The following TEX11 variants were observed in gnomAD, a reference collection of about 807,000 sequenced individuals.
The protein encoded by TEX11 is testis-expressed protein 11.
Under a neutral mutation model 84.4 loss-of-function variants are expected in TEX11, and 7 were observed. The observed-to-expected ratio is 0.08, with a 90% CI of 0.05 to 0.16. The LOEUF (loss-of-function observed/expected upper bound fraction) is 0.16. Ranked by LOEUF, TEX11 falls within the 10% of genes least tolerant of loss-of-function variation. The probability of loss-of-function intolerance (pLI) is 1.00; values close to 1 mark genes in which losing one functional copy is unlikely to be tolerated. For missense variants in TEX11, 551 were observed against 660.5 expected (o/e 0.83, Z 1.82); for synonymous variants, 264 against 222.8 (o/e 1.18, Z -1.64).
Position 70,744,197 on chromosome X carries a change from T to A in TEX11, c.715A>T (p.Met239Leu). ...WLSQSYDIGK[M>L]DKKSTGPEML... ...TCTGGCCCAGTAGATTTCTTATCCATCTTCCCAATATCATAGCTTTGGCTA... is the reference window on the plus strand; with the variant it reads ...TCTGGCCCAGTAGATTTCTTATCCAACTTCCCAATATCATAGCTTTGGCTA... The change falls in exon 10 of 30, where the codon ATG (methionine) becomes TTG (leucine). Residue 239 changes from methionine to leucine, a missense_variant. Physicochemically the swap from Met to Leu is conservative, Grantham distance 15. Transcript: ENST00000374333. 2 of 1,028,663 alleles carry A rather than the reference T, an allele frequency of 1.9e-6. No individual in the cohort carries two copies. Among genetic ancestry groups the A allele is most frequent in the Admixed American group, 6.8e-5 (2 of 29,558 alleles). The allele number at this position is 1,028,663 out of a possible 1,213,427, so 84.8% of individuals were successfully genotyped here.
chrX:70,880,720 G>A (rs747744109), intron 2 of TEX11, among the ~76,000 whole-genome samples: 1 of 111,199 alleles, frequency 9.0e-6, no homozygotes, highest in African/African-American at 3.3e-5. Flanking sequence ...CTAACTGCTG[G>A]CTCTGAAGTC....
downstream of TEX11, among the ~76,000 whole-genome samples, chrX:70,524,521 A>C (rs1398942210): frequency 1.8e-5 from 2 of 112,699 alleles, no homozygotes; most frequent in East Asian, 5.6e-4. Flanking sequence ...AGCTGGCAAG[A>C]GCAATTTATT....
intron 18 of TEX11, among the ~76,000 whole-genome samples, chrX:70,627,185 G>C (rs1044824539): frequency 7.1e-5 from 8 of 112,310 alleles, no homozygotes; most frequent in African/African-American, 2.6e-4. Flanking sequence ...GAGAGAATTG[G>C]AGACAGTAAA....
chrX:70,654,569 G>A (rs1257140651), intron 16 of TEX11, among the ~76,000 whole-genome samples: 3 of 109,412 alleles, frequency 2.7e-5, no homozygotes, highest in African/African-American at 1.0e-4. Context: ...AAATTAGCTG[G>A]ATGTGGTGGC....
intron 8 of TEX11, among the ~76,000 whole-genome samples, chrX:70,820,739 T>G (rs1205277728): frequency 9.0e-6 from 1 of 111,037 alleles, no homozygotes; most frequent in Non-Finnish European, 1.9e-5. Context: ...CACTTACTAT[T>G]GTGAGGAATA....
At chrX:70,814,312 T>C (rs1159534280) in intron 8 of TEX11, among the ~76,000 whole-genome samples, 1 of 111,481 alleles carries the variant, frequency 9.0e-6, no homozygotes, top group Non-Finnish European at 1.9e-5. Flanking sequence ...TCTACAACCA[T>C]CCGATCTTTG....
At position 70,893,785 on chromosome X, in the gene TEX11, G is replaced by A. The variant is rs1329643700; in HGVS notation, c.38-13676C>T. On this transcript the variant is annotated intron_variant, in intron 2 of 29. Transcript: ENST00000374333. ...CCCTTCAAAAAATCATTGAGTCCAG[G>A]AGCTGGTTTTTTGAAAAGATTAACA... Among the ~76,000 whole-genome samples, 4 of 111,173 alleles carry A rather than the reference G, an allele frequency of 3.6e-5. No individual in the cohort carries two copies. In the East Asian group the frequency reaches 1.1e-3, roughly 31 times the overall value.
downstream of TEX11, among the ~76,000 whole-genome samples, chrX:70,526,608 A>G (rs550426293): frequency 8.1e-5 from 9 of 111,032 alleles, no homozygotes; most frequent in South Asian, 1.9e-3. Context: ...TGGAGCTATC[A>G]GTATGAACTC....
At chrX:70,584,001 C>T (rs753705759) in intron 25 of TEX11, among the ~76,000 whole-genome samples, 5 of 111,769 alleles carry the variant, frequency 4.5e-5, no homozygotes, top group African/African-American at 9.7e-5. Flanking sequence ...AATTCCTGGC[C>T]GGGCGCGGTG....
the TEX11 span, among the ~76,000 whole-genome samples, chrX:70,523,785 T>C: frequency 2.9e-5 from 3 of 104,808 alleles, no homozygotes; most frequent in African/African-American, 1.1e-4. Context: ...TTTTTTTTTT[T>C]TGGAAGAAGA....
chrX:70,726,543 T>A (rs1295008220), intron 11 of TEX11, among the ~76,000 whole-genome samples: 1 of 110,959 alleles, frequency 9.0e-6, no homozygotes, highest in East Asian at 2.8e-4. Flanking sequence ...GTTTATTTAT[T>A]TATTCATGAT....
intron 2 of TEX11, among the ~76,000 whole-genome samples, chrX:70,907,407 A>ATT (rs532492019): frequency 2.0e-4 from 21 of 106,616 alleles, no homozygotes; most frequent in East Asian, 5.9e-4. Context: ...AAATATTTAG[A>ATT]TTTTTTTTTT....
intron 24 of TEX11, among the ~76,000 whole-genome samples, chrX:70,597,107 A>C (rs2089017597): frequency 8.9e-6 from 1 of 112,325 alleles, no homozygotes; most frequent in Non-Finnish European, 1.9e-5. Flanking sequence ...AGTAGTGAAA[A>C]ATTTATAATC....
chrX:70,518,609 G>T, the TEX11 span, among the ~76,000 whole-genome samples: 1 of 111,868 alleles, frequency 8.9e-6, no homozygotes, highest in Admixed American at 9.5e-5. Context: ...GTTGATTTGG[G>T]GTGGAGAGTT....
intron 13 of TEX11, among the ~76,000 whole-genome samples, chrX:70,700,895 C>G (rs2090320531): frequency 8.9e-6 from 1 of 111,958 alleles, no homozygotes; most frequent in Admixed American, 9.5e-5. Context: ...GATAGAAGAT[C>G]AACCCCAGCC....
intron 24 of TEX11, among the ~76,000 whole-genome samples, chrX:70,592,700 T>C (rs5936938): frequency 0.42 from 46,193 of 109,768 alleles, 8,235 homozygotes; most frequent in East Asian, 0.6. Flanking sequence ...TACAATTGGA[T>C]TGTCACTCTG....
chrX:70,729,773 G>A (rs1471781462), intron 11 of TEX11, among the ~76,000 whole-genome samples: 1 of 111,483 alleles, frequency 9.0e-6, no homozygotes, highest in Non-Finnish European at 1.9e-5. Context: ...AATCTAGCAA[G>A]GCAGGCCAGC....
At chrX:70,798,588 C>T (rs2091169418) in intron 9 of TEX11, among the ~76,000 whole-genome samples, 1 of 111,960 alleles carries the variant, frequency 8.9e-6, no homozygotes, top group Admixed American at 9.5e-5. Flanking sequence ...TTTCAAAATA[C>T]ACTAGACATC....
chrX:70,620,794 G>A (rs1250025338), intron 20 of TEX11, among the ~76,000 whole-genome samples: 1 of 111,874 alleles, frequency 8.9e-6, no homozygotes, highest in South Asian at 3.8e-4. Context: ...AATACATGGA[G>A]GAACCTTAAA....
Sources: allele counts gnomAD v4.1 joint callset (sites outside exome capture counted in the v4.1 genomes callset), GRCh38; gene constraint gnomAD v4.1.1; transcripts MANE v1.5; gene names NCBI Gene and HGNC (gene_info 2026-07-23, HGNC 2026-07-21).